Variants in SMPX observed in about 807,000 individuals in gnomAD.
SMPX encodes the protein small muscle protein X-linked.
A neutral mutation model predicts 6.3 loss-of-function variants in SMPX; 2 were observed. That is an observed-to-expected ratio of 0.32 (90% confidence interval 0.13 to 0.99). The LOEUF (loss-of-function observed/expected upper bound fraction) is 0.99. Among genes scored for constraint, SMPX ranks in the 50% least tolerant of loss-of-function variants. The pLI is 0.49. For missense variants in SMPX, 60 were observed against 66.8 expected, an observed-to-expected ratio of 0.90 and a Z score of 0.36; for synonymous variants, 32 against 24.7, an observed-to-expected ratio of 1.30 and a Z score of -0.88.
intron 4 of SMPX, among the ~76,000 whole-genome samples, chrX:21,714,305 CA>C (rs771104332): frequency 9.0e-6 from 1 of 111,584 alleles, no homozygotes; most frequent in African/African-American, 3.3e-5. Flanking sequence ...GTATCATTTT[CA>C]AAATTTACTC....
At chrX:21,757,305 G>A (rs1006990755) in intron 1 of SMPX, among the ~76,000 whole-genome samples, 2 of 111,609 alleles carry the variant, frequency 1.8e-5, no homozygotes, top group African/African-American at 6.5e-5. Flanking sequence ...AATATGCTGA[G>A]AGGAAAGAGG....
chrX:21,750,626 T>C (rs2092826474), intron 2 of SMPX, among the ~76,000 whole-genome samples: 1 of 112,531 alleles, frequency 8.9e-6, no homozygotes, highest in South Asian at 3.7e-4. Flanking sequence ...ACTGATTCTT[T>C]CAGGATGTTT....
chrX:21,752,206 T>A (rs1372823328), intron 2 of SMPX, among the ~76,000 whole-genome samples: 1 of 111,466 alleles, frequency 9.0e-6, no homozygotes. Flanking sequence ...AGGTCAAAAT[T>A]AGTAAATAAA....
intron 4 of SMPX, chrX:21,727,403 G>T (rs962908221): frequency 8.9e-6 from 1 of 111,819 alleles, no homozygotes; most frequent in African/African-American, 3.3e-5. Flanking sequence ...CAAAATTGGG[G>T]GATCAGGTAA....
At chrX:21,719,746 G>C (rs2092789589) in intron 4 of SMPX, among the ~76,000 whole-genome samples, 1 of 111,355 alleles carries the variant, frequency 9.0e-6, no homozygotes, top group South Asian at 3.8e-4. Context: ...ATGACTCAAG[G>C]ACATGAAGAA....
intron 2 of SMPX, among the ~76,000 whole-genome samples, chrX:21,746,016 G>C (rs1162061867): frequency 9.0e-6 from 1 of 111,607 alleles, no homozygotes; most frequent in African/African-American, 3.3e-5. Context: ...TAACAATAGT[G>C]AAAAGAGCCT....
chrX:21,717,976 C>T (rs2092787145), intron 4 of SMPX, among the ~76,000 whole-genome samples: 1 of 112,203 alleles, frequency 8.9e-6, no homozygotes, highest in Non-Finnish European at 1.9e-5. Context: ...CCTGCACAGG[C>T]AGAAATGCAA....
At chrX:21,751,279 A>G (rs2092827215) in intron 2 of SMPX, among the ~76,000 whole-genome samples, 1 of 112,353 alleles carries the variant, frequency 8.9e-6, no homozygotes, top group Non-Finnish European at 1.9e-5. Context: ...TTCAAACATT[A>G]AACTATATTA....
chrX:21,736,605 T>C (rs1241630212), intron 4 of SMPX, among the ~76,000 whole-genome samples: 2 of 111,922 alleles, frequency 1.8e-5, no homozygotes, highest in Non-Finnish European at 3.8e-5. Context: ...GTGTGCAGCA[T>C]GTAGTGAACA....
At chrX:21,719,540 AAAAG>A (rs377515861) in intron 4 of SMPX, among the ~76,000 whole-genome samples, 2,112 of 108,855 alleles carry the variant, frequency 0.019, 38 homozygotes, top group African/African-American at 0.052. Flanking sequence ...GAAGAAGAAG[AAAAG>A]AAAGAAAGAA....
intron 3 of SMPX, among the ~76,000 whole-genome samples, chrX:21,742,796 T>TG (rs2092817414): frequency 8.9e-6 from 1 of 112,421 alleles, no homozygotes. Context: ...ACCTTTGAAA[T>TG]GGTAATAGAT....
intron 2 of SMPX, among the ~76,000 whole-genome samples, chrX:21,746,072 A>G (rs754313994): frequency 1.8e-5 from 2 of 111,447 alleles, no homozygotes; most frequent in East Asian, 5.6e-4. Flanking sequence ...AAAAGTAACA[A>G]TTGCTCTGGG....
chrX:21,715,379 T>C (rs2092783922), intron 4 of SMPX, among the ~76,000 whole-genome samples: 1 of 109,596 alleles, frequency 9.1e-6, no homozygotes, highest in African/African-American at 3.3e-5. Context: ...TGGCTGCACA[T>C]TAAATCTCCT....
At chrX:21,712,880 C>T (rs2092780244) in intron 4 of SMPX, among the ~76,000 whole-genome samples, 1 of 112,433 alleles carries the variant, frequency 8.9e-6, no homozygotes, top group Admixed American at 9.4e-5. Context: ...TACCAAGAAT[C>T]CTCCTACAAC....
At chrX:21,750,259 T>C (rs1343014886) in intron 2 of SMPX, among the ~76,000 whole-genome samples, 6 of 111,642 alleles carry the variant, frequency 5.4e-5, no homozygotes, top group Non-Finnish European at 1.1e-4. Context: ...ATGCAGAGAG[T>C]GCTGATGTTA....
chrX:21,708,238 C>T (rs2092775000), intron 4 of SMPX, among the ~76,000 whole-genome samples: 2 of 112,150 alleles, frequency 1.8e-5, no homozygotes, highest in African/African-American at 6.5e-5. Context: ...GGTTTGGCAC[C>T]CTCCATAACC....
At chrX:21,711,768 T>C (rs1393620446) in intron 4 of SMPX, among the ~76,000 whole-genome samples, 1 of 111,836 alleles carries the variant, frequency 8.9e-6, no homozygotes, top group Non-Finnish European at 1.9e-5. Context: ...TACTTCCTCC[T>C]ATGTGGTGCT....
chrX:21,722,907 C>A, intron 4 of SMPX, among the ~76,000 whole-genome samples: 1 of 111,868 alleles, frequency 8.9e-6, no homozygotes, highest in Non-Finnish European at 1.9e-5. Flanking sequence ...AAAGGGCTTG[C>A]AATAGTGCCT....
At chrX:21,714,298 T>A (rs749475337) in intron 4 of SMPX, among the ~76,000 whole-genome samples, 1 of 111,900 alleles carries the variant, frequency 8.9e-6, no homozygotes, top group East Asian at 2.8e-4. Flanking sequence ...GACCATTGTA[T>A]CATTTTCAAA....
Sources: allele counts gnomAD v4.1 joint callset (sites outside exome capture counted in the v4.1 genomes callset), GRCh38; gene constraint gnomAD v4.1.1; transcripts MANE v1.5; gene names NCBI Gene and HGNC (gene_info 2026-07-23, HGNC 2026-07-21).